Variants in DLG2 observed in about 807,000 individuals in gnomAD.
The protein encoded by DLG2 is disks large homolog 2.
Under a neutral mutation model 132.5 loss-of-function variants are expected in DLG2, and 45 were observed. That is an observed-to-expected ratio of 0.34 (90% confidence interval 0.27 to 0.44). DLG2 has a LOEUF of 0.44. DLG2 is among the 20% of genes least tolerant of loss of function. DLG2 has a pLI of 1.00. For synonymous variants in DLG2, 424 were observed against 419.6 expected, an observed-to-expected ratio of 1.01 and a Z score of -0.13; for missense variants, 1,045 against 1,196.9, an observed-to-expected ratio of 0.87 and a Z score of 1.87.
At chr11:84,468,817 A>T (rs1315676757) in intron 7 of DLG2, among the ~76,000 whole-genome samples, 1 of 151,550 alleles carries the variant, frequency 6.6e-6, no homozygotes, top group African/African-American at 2.4e-5. Context: ...TTGTTATTCC[A>T]TTTTGCTTTA....
intron 6 of DLG2, among the ~76,000 whole-genome samples, chr11:85,103,407 T>C (rs1489614220): frequency 3.9e-5 from 6 of 151,920 alleles, no homozygotes; most frequent in Non-Finnish European, 8.8e-5. Flanking sequence ...AGGATACACA[T>C]AAAGATTATT....
chr11:84,542,128 T>TGAGAGAGAGAGAGA (rs59128357), intron 6 of DLG2, among the ~76,000 whole-genome samples: 2 of 147,034 alleles, frequency 1.4e-5, no homozygotes, highest in African/African-American at 5.0e-5. Context: ...ACAGTACTGA[T>TGAGAGAGAGAGAGA]GAGAGAGAGA....
chr11:85,199,472 C>T (rs1342505069), intron 4 of DLG2, among the ~76,000 whole-genome samples: 16 of 152,238 alleles, frequency 1.1e-4, no homozygotes, highest in South Asian at 2.1e-4. Flanking sequence ...TAATTATATG[C>T]GAGAATCAAA....
At chr11:85,525,912 G>C (rs188674405) in intron 3 of DLG2, among the ~76,000 whole-genome samples, 2 of 152,318 alleles carry the variant, frequency 1.3e-5, no homozygotes, top group Admixed American at 1.3e-4. Flanking sequence ...TCCGCCTTTA[G>C]TCTTTAGCAG....
intron 15 of DLG2, among the ~76,000 whole-genome samples, chr11:83,904,957 G>A (rs560485416): frequency 5.9e-5 from 9 of 152,230 alleles, no homozygotes; most frequent in African/African-American, 1.9e-4. Context: ...CAGTGTAGGA[G>A]GCTTACTTAT....
At chr11:83,907,265 A>G (rs1003587726) in intron 15 of DLG2, among the ~76,000 whole-genome samples, 2 of 152,216 alleles carry the variant, frequency 1.3e-5, no homozygotes, top group African/African-American at 2.4e-5. Flanking sequence ...AACACTTACT[A>G]TATCCCAAAC....
At chr11:83,551,153 C>G (rs1392949588) in intron 19 of DLG2, among the ~76,000 whole-genome samples, 1 of 152,084 alleles carries the variant, frequency 6.6e-6, no homozygotes, top group Non-Finnish European at 1.5e-5. Flanking sequence ...GGGCAAGAAT[C>G]CCTGTCCGAC....
intron 10 of DLG2, among the ~76,000 whole-genome samples, chr11:84,097,459 C>T (rs566935257): frequency 6.6e-6 from 1 of 152,162 alleles, no homozygotes; most frequent in Non-Finnish European, 1.5e-5. Context: ...GCACTAACTG[C>T]CACCCCCCAC....
At chr11:84,600,164 GA>G (rs1565419054) in intron 6 of DLG2, among the ~76,000 whole-genome samples, 2,149 of 74,492 alleles carry the variant, frequency 0.029, 40 homozygotes, top group Middle Eastern at 0.065. Flanking sequence ...AAGAAGGAAA[GA>G]AAGAAAGAAA....
At chr11:84,105,906 C>T (rs969710679) in intron 9 of DLG2, among the ~76,000 whole-genome samples, 1 of 152,036 alleles carries the variant, frequency 6.6e-6, no homozygotes, top group Non-Finnish European at 1.5e-5. Context: ...CCAGCAAAGC[C>T]ATTTGTTTAT....
intron 18 of DLG2, among the ~76,000 whole-genome samples, chr11:83,697,121 C>T (rs1277822203): frequency 6.6e-6 from 1 of 152,170 alleles, no homozygotes; most frequent in African/African-American, 2.4e-5. Context: ...GTGTTTGTAA[C>T]ATTTTGAATT....
intron 6 of DLG2, among the ~76,000 whole-genome samples, chr11:84,593,979 C>A (rs762745351): frequency 1.7e-4 from 26 of 152,174 alleles, no homozygotes; most frequent in Middle Eastern, 3.4e-3. Flanking sequence ...CTACTTTTCC[C>A]ATCTAACACC....
chr11:83,856,318 GA>G (rs2060529072), intron 16 of DLG2, among the ~76,000 whole-genome samples: 1 of 152,016 alleles, frequency 6.6e-6, no homozygotes, highest in Admixed American at 6.6e-5. Flanking sequence ...CTTTATAATA[GA>G]ACAATTTATA....
chr11:84,542,496 T>C (rs925100291), intron 6 of DLG2, among the ~76,000 whole-genome samples: 1 of 152,162 alleles, frequency 6.6e-6, no homozygotes, highest in African/African-American at 2.4e-5. Flanking sequence ...ACATGTATCT[T>C]TGTATCCTGC....
At chr11:85,200,530 C>T (rs2081384382) in intron 4 of DLG2, among the ~76,000 whole-genome samples, 1 of 152,192 alleles carries the variant, frequency 6.6e-6, no homozygotes, top group South Asian at 2.1e-4. Context: ...GTCTCAGCAT[C>T]AGCCCCTTGC....
At chr11:84,613,089 C>T (rs1002275381) in intron 6 of DLG2, among the ~76,000 whole-genome samples, 7 of 152,018 alleles carry the variant, frequency 4.6e-5, no homozygotes, top group Non-Finnish European at 1.0e-4. Flanking sequence ...TTGGGCTGAT[C>T]GAGAACACTG....
intron 6 of DLG2, among the ~76,000 whole-genome samples, chr11:84,584,966 G>C (rs987656917): frequency 2.0e-5 from 3 of 151,974 alleles, no homozygotes; most frequent in Non-Finnish European, 4.4e-5. Flanking sequence ...GGGATTACAG[G>C]CGTGAGCCAC....
Position 83,579,046 on chromosome 11 carries a change from C to T in DLG2, c.1941-37188G>A, listed in dbSNP as rs149811874. Reference sequence around the variant, plus strand: ...TTTCTCTGATATATGTGGCTCTGGGCTTCTTTCCTTGCCTCAACAATAACA... The same window carrying T: ...TTTCTCTGATATATGTGGCTCTGGGTTTCTTTCCTTGCCTCAACAATAACA... On this transcript the variant is annotated intron_variant, in intron 19 of 27. Coordinates refer to ENST00000376104, the MANE Select transcript of DLG2 (RefSeq NM_001142699.3). 2.1e-3 allele frequency among the ~76,000 whole-genome samples: 327 copies of T among 152,298 alleles called. 1 individual carries two copies. The highest frequency in any genetic ancestry group is 7.3e-3 in the African/African-American group (302 of 41,554).
chr11:83,982,495 A>G (rs534857307), intron 11 of DLG2, among the ~76,000 whole-genome samples: 8 of 151,646 alleles, frequency 5.3e-5, no homozygotes, highest in South Asian at 4.1e-4. Flanking sequence ...AAAAAAAAAA[A>G]AAAAGAAAAG....
Sources: gnomAD v4.1 joint callset for allele counts (sites outside exome capture counted in the v4.1 genomes callset) on GRCh38, gnomAD v4.1.1 for gene constraint, MANE v1.5 for transcripts, NCBI Gene and HGNC (gene_info 2026-07-23, HGNC 2026-07-21) for gene names.